Variants in CAAP1 observed in about 807,000 individuals in gnomAD.
CAAP1 encodes the protein conserved anti-apoptotic protein.
A neutral mutation model predicts 34.0 loss-of-function variants in CAAP1; 20 were observed. The observed-to-expected ratio is 0.59, with a 90% CI of 0.41 to 0.86. The LOEUF is 0.86. Among genes scored for constraint, CAAP1 ranks in the 40% least tolerant of loss-of-function variants. CAAP1 has a pLI of 0.00. For synonymous variants in CAAP1, 213 were observed against 166.7 expected (o/e 1.28, Z -2.14); for missense variants, 538 against 450.5 (o/e 1.19, Z -1.76).
chr9:26,861,615 T>C (rs1483501352), intron 4 of CAAP1, among the ~76,000 whole-genome samples: 1 of 152,156 alleles, frequency 6.6e-6, no homozygotes, highest in African/African-American at 2.4e-5. Flanking sequence ...GTAATCAAAG[T>C]AAAAGGATTA....
chr9:26,885,616 C>G (rs1823720071), intron 3 of CAAP1, among the ~76,000 whole-genome samples: 1 of 151,728 alleles, frequency 6.6e-6, no homozygotes, highest in South Asian at 2.1e-4. Flanking sequence ...CCTGATAATC[C>G]AAAATTCTAG....
chr9:26,872,553 A>ATATATATATATATATATAT (rs560375272), intron 4 of CAAP1, among the ~76,000 whole-genome samples: 13 of 142,550 alleles, frequency 9.1e-5, no homozygotes, highest in African/African-American at 3.5e-4. Flanking sequence ...ATATACATAT[A>ATATATATATATATATATAT]ATATATATAT....
chr9:26,848,011 T>C (rs1349975462), intron 5 of CAAP1, among the ~76,000 whole-genome samples: 2 of 152,214 alleles, frequency 1.3e-5, no homozygotes, highest in Non-Finnish European at 2.9e-5. Flanking sequence ...TTGTCTTGGC[T>C]TAATTTAATA....
At chr9:26,856,816 A>C (rs1395053837) in intron 5 of CAAP1, among the ~76,000 whole-genome samples, 1 of 152,196 alleles carries the variant, frequency 6.6e-6, no homozygotes, top group East Asian at 1.9e-4. Flanking sequence ...TCAACTCCTC[A>C]ATCTAACTTA....
chr9:26,876,472 G>GTTT (rs60742949), intron 4 of CAAP1, among the ~76,000 whole-genome samples: 6 of 125,706 alleles, frequency 4.8e-5, no homozygotes, highest in Non-Finnish European at 8.7e-5. Flanking sequence ...ATTCTAGAAG[G>GTTT]TTTTTTTTTT....
intron 4 of CAAP1, among the ~76,000 whole-genome samples, chr9:26,882,620 G>C (rs1233828452): frequency 3.3e-5 from 5 of 152,172 alleles, no homozygotes; most frequent in African/African-American, 1.2e-4. Flanking sequence ...TCCACACACA[G>C]TCTTCATTGG....
intron 4 of CAAP1, chr9:26,880,353 AGT>A: frequency 3.3e-6 from 1 of 304,546 alleles, no homozygotes; most frequent in South Asian, 2.8e-5. Flanking sequence ...GTGGAAGGGA[AGT>A]GTGTGATTCA....
intron 3 of CAAP1, among the ~76,000 whole-genome samples, chr9:26,885,889 A>C (rs1473980184): frequency 6.6e-6 from 1 of 152,202 alleles, no homozygotes; most frequent in African/African-American, 2.4e-5. Context: ...TTACCTATAT[A>C]CACTTGACCT....
chr9:26,867,007 T>G (rs1436404185), intron 4 of CAAP1, among the ~76,000 whole-genome samples: 1 of 152,110 alleles, frequency 6.6e-6, no homozygotes, highest in Non-Finnish European at 1.5e-5. Context: ...CATTACGGCC[T>G]GAGCTCCACC....
Position 26,840,729 on chromosome 9 carries a change from T to C in CAAP1, c.*1572A>G, listed in dbSNP as rs972639976. 1.3e-5 allele frequency: 2 copies of C among 152,210 alleles called. No homozygotes were observed. The allele number at this position is 152,210 out of a possible 1,614,324, so 9.4% of individuals were successfully genotyped here. Reference sequence around the variant, plus strand: ...TAATCATCTACAAAGCCCTCAGACCTGTTTTACTTTATATGTTTAATCATA... The same window carrying C: ...TAATCATCTACAAAGCCCTCAGACCCGTTTTACTTTATATGTTTAATCATA... On this transcript the variant is annotated 3_prime_UTR_variant, in exon 6 of 6. Coordinates refer to ENST00000333916, the MANE Select transcript of CAAP1 (RefSeq NM_024828.4).
chr9:26,872,088 G>A (rs1009671194), intron 4 of CAAP1, among the ~76,000 whole-genome samples: 3 of 152,106 alleles, frequency 2.0e-5, no homozygotes, highest in African/African-American at 7.2e-5. Context: ...CTAGGGTTCA[G>A]CAATATAAAG....
At chr9:26,869,329 T>A (rs889763241) in intron 4 of CAAP1, among the ~76,000 whole-genome samples, 3 of 152,148 alleles carry the variant, frequency 2.0e-5, no homozygotes, top group African/African-American at 7.2e-5. Context: ...AATATGTAAA[T>A]CTGAGCATTT....
intron 4 of CAAP1, chr9:26,869,952 A>G: frequency 1.0e-6 from 1 of 984,992 alleles, no homozygotes; most frequent in Non-Finnish European, 1.2e-6. Context: ...CCAGTGCTTG[A>G]GCAGCAGGAT....
At chr9:26,844,778 C>CCCTGAA (rs1822558859) in intron 5 of CAAP1, among the ~76,000 whole-genome samples, 2 of 152,142 alleles carry the variant, frequency 1.3e-5, no homozygotes, top group African/African-American at 4.8e-5. Context: ...ACTCTTGATT[C>CCCTGAA]CCTGAACCTA....
intron 4 of CAAP1, among the ~76,000 whole-genome samples, chr9:26,864,972 G>C (rs948896069): frequency 3.3e-5 from 5 of 152,070 alleles, no homozygotes; most frequent in Non-Finnish European, 5.9e-5. Context: ...ATTTACAAAG[G>C]ATATGAGAAC....
chr9:26,880,977 T>C (rs184072614), intron 4 of CAAP1, among the ~76,000 whole-genome samples: 30 of 152,238 alleles, frequency 2.0e-4, no homozygotes, highest in Non-Finnish European at 4.0e-4. Flanking sequence ...TGCCAAGCCC[T>C]CTCTTTCTTT....
intron 4 of CAAP1, among the ~76,000 whole-genome samples, chr9:26,873,685 C>G (rs561723035): frequency 2.0e-5 from 3 of 152,248 alleles, no homozygotes; most frequent in Admixed American, 6.5e-5. Context: ...CACTCTAATT[C>G]CAAGACTTCA....
At chr9:26,856,056 C>T (rs1271129649) in intron 5 of CAAP1, among the ~76,000 whole-genome samples, 1 of 152,012 alleles carries the variant, frequency 6.6e-6, no homozygotes, top group African/African-American at 2.4e-5. Flanking sequence ...TGAAGCGATC[C>T]TCCCTCCTCG....
chr9:26,885,169 C>T (rs7025658), intron 3 of CAAP1, among the ~76,000 whole-genome samples: 27,794 of 150,692 alleles, frequency 0.18, 3,555 homozygotes, highest in East Asian at 0.7. Flanking sequence ...CTCCACCTCC[C>T]GGGTTCTAGC....
Sources: allele counts gnomAD v4.1 joint callset (sites outside exome capture counted in the v4.1 genomes callset), GRCh38; gene constraint gnomAD v4.1.1; transcripts MANE v1.5; gene names NCBI Gene and HGNC (gene_info 2026-07-23, HGNC 2026-07-21).